Variants in DRC9 observed in about 807,000 individuals in gnomAD.
The protein encoded by DRC9 is dynein regulatory complex protein 9.
the DRC9 span, chr3:197,957,449 ATTGTGGTGG>A: frequency 7.1e-6 from 1 of 140,570 alleles, no homozygotes; most frequent in Non-Finnish European, 1.5e-5. Flanking sequence ...ATTTATTAGG[ATTGTGGTGG>A]TTTTTTTTTT....
chr3:197,912,587 G>T, the DRC9 span: 1 of 945,500 alleles, frequency 1.1e-6, no homozygotes, highest in East Asian at 2.4e-5. Flanking sequence ...ATGATGGTTG[G>T]TTTTCCTTCA....
chr3:197,910,132 T>C, the DRC9 span, among the ~76,000 whole-genome samples: 1 of 152,142 alleles, frequency 6.6e-6, no homozygotes, highest in Admixed American at 6.6e-5. Flanking sequence ...CTTTAACCTA[T>C]GTATTTCTGT....
the DRC9 span, chr3:197,906,244 G>A: frequency 3.9e-5 from 6 of 152,138 alleles, no homozygotes; most frequent in Admixed American, 6.5e-5. Context: ...TGGGACACCC[G>A]GCCGCACTTG....
the DRC9 span, chr3:197,912,490 C>T: frequency 2.1e-5 from 11 of 521,766 alleles, no homozygotes; most frequent in Non-Finnish European, 3.4e-5. Context: ...TTTACCTGCA[C>T]TCTCTCAAAT....
At chr3:197,956,844 T>C in the DRC9 span, 1 of 152,172 alleles carries the variant, frequency 6.6e-6, no homozygotes, top group African/African-American at 2.4e-5. Flanking sequence ...GCCCAGGTAG[T>C]ACTACATTTC....
the DRC9 span, among the ~76,000 whole-genome samples, chr3:197,911,616 G>A: frequency 6.6e-6 from 1 of 152,062 alleles, no homozygotes; most frequent in Non-Finnish European, 1.5e-5. Flanking sequence ...AACTGGGAAT[G>A]TTATTTTTAT....
chr3:197,906,503 AC>A, the DRC9 span: 1 of 152,112 alleles, frequency 6.6e-6, no homozygotes, highest in African/African-American at 2.4e-5. Context: ...AACAAAAAAA[AC>A]TTTTAGTAAG....
chr3:197,948,366 A>C, the DRC9 span, among the ~76,000 whole-genome samples: 177 of 152,290 alleles, frequency 1.2e-3, no homozygotes, highest in African/African-American at 4.1e-3. Flanking sequence ...GCTTCTGGGC[A>C]CTCATGCCAC....
At chr3:197,915,240 T>TAAA in the DRC9 span, among the ~76,000 whole-genome samples, 55 of 129,798 alleles carry the variant, frequency 4.2e-4, no homozygotes, top group African/African-American at 9.5e-4. Context: ...AAGGGAACTC[T>TAAA]AAAAAAAAAA....
chr3:197,934,695 C>A, the DRC9 span, among the ~76,000 whole-genome samples: 191 of 151,822 alleles, frequency 1.3e-3, no homozygotes, highest in Admixed American at 1.1e-3. Context: ...AGGCCGGGCA[C>A]AAGAGCTCAC....
At chr3:197,914,098 T>A in the DRC9 span, 1 of 1,455,952 alleles carries the variant, frequency 6.9e-7, no homozygotes, top group Non-Finnish European at 9.6e-7. Context: ...TCCATTCAGT[T>A]CAGTCAGCGG....
At chr3:197,914,140 T>C in the DRC9 span, 2 of 995,876 alleles carry the variant, frequency 2.0e-6, no homozygotes, top group Non-Finnish European at 1.6e-6. Flanking sequence ...TATAAATCAA[T>C]AAGGAACTGG....
the DRC9 span, among the ~76,000 whole-genome samples, chr3:197,925,116 T>C: frequency 6.6e-6 from 1 of 151,728 alleles, no homozygotes; most frequent in Non-Finnish European, 1.5e-5. Context: ...CTTTTCCATC[T>C]GGGATGTGAG....
the DRC9 span, chr3:197,912,784 C>T: frequency 1.9e-6 from 3 of 1,552,884 alleles, no homozygotes; most frequent in South Asian, 1.1e-5. Context: ...ACGTCTTCCC[C>T]GCAGGGCTGG....
the DRC9 span, chr3:197,951,513 C>G: frequency 1.7e-6 from 1 of 575,766 alleles, no homozygotes; most frequent in Non-Finnish European, 3.1e-6. Flanking sequence ...CCACCACGCC[C>G]GGCTAGTTTT....
the DRC9 span, among the ~76,000 whole-genome samples, chr3:197,917,736 CT>C: frequency 0.15 from 21,691 of 145,880 alleles, 2,517 homozygotes; most frequent in African/African-American, 0.34. Flanking sequence ...TCTCTTTTCT[CT>C]TTTTTTTTTT....
At chr3:197,913,198 C>A in the DRC9 span, 1 of 174,340 alleles carries the variant, frequency 5.7e-6, no homozygotes. Flanking sequence ...GTTTTCTTTT[C>A]TTTTTTGTGA....
At chr3:197,939,488 C>T in the DRC9 span, among the ~76,000 whole-genome samples, 4 of 152,186 alleles carry the variant, frequency 2.6e-5, no homozygotes, top group African/African-American at 7.2e-5. Context: ...ACCGCAGGAA[C>T]GGCCTATGCC....
At chr3:197,933,208 A>C in the DRC9 span, among the ~76,000 whole-genome samples, 2 of 151,538 alleles carry the variant, frequency 1.3e-5, no homozygotes, top group Non-Finnish European at 2.9e-5. Flanking sequence ...TCACGCCTGT[A>C]ATCCCAGCAC....
Sources: gnomAD v4.1 joint callset for allele counts (sites outside exome capture counted in the v4.1 genomes callset) on GRCh38, gnomAD v4.1.1 for gene constraint, MANE v1.5 for transcripts, NCBI Gene and HGNC (gene_info 2026-07-23, HGNC 2026-07-21) for gene names.